The following RBFOX1 variants were observed in gnomAD, a reference collection of about 807,000 sequenced individuals.
RBFOX1 encodes the protein RNA binding protein fox-1 homolog 1.
RBFOX1 carries 8 observed loss-of-function variants against 57.7 expected under a neutral mutation model. The ratio of observed to expected loss-of-function variants is 0.14; its 90% CI spans 0.08 to 0.25. RBFOX1 has a LOEUF of 0.25. Ranked by LOEUF, RBFOX1 falls within the 10% of genes least tolerant of loss-of-function variation. RBFOX1 has a pLI of 1.00. For synonymous variants in RBFOX1, 326 were observed against 222.4 expected (o/e 1.47, Z -4.15); for missense variants, 611 against 548.5 (o/e 1.11, Z -1.14).
In RBFOX1 at chr16:7,012,465, C is replaced by T. The variant is rs148244429; in HGVS notation, c.-15-39592C>T. 5.1e-3 allele frequency among the ~76,000 whole-genome samples: 771 copies of T among 152,246 alleles called. 10 individuals are homozygous for T. The highest frequency in any genetic ancestry group is 6.4e-3 in the Non-Finnish European group (437 of 68,028). On this transcript the variant is annotated intron_variant, in intron 3 of 15. Coordinates refer to ENST00000550418, the MANE Select transcript of RBFOX1 (RefSeq NM_018723.4). ...TTCAATCATAGATGACATGGAAAGT[C>T]GCATCTGTCTCATTTCCCAAGCCAT...
chr16:7,438,771 G>A (rs533045188), intron 4 of RBFOX1, among the ~76,000 whole-genome samples: 58 of 152,250 alleles, frequency 3.8e-4, no homozygotes, highest in Non-Finnish European at 6.6e-4. Flanking sequence ...CACAGTGAGC[G>A]CCTGTCAATA....
chr16:7,315,946 G>A (rs1386428764), intron 4 of RBFOX1, among the ~76,000 whole-genome samples: 1 of 152,114 alleles, frequency 6.6e-6, no homozygotes, highest in African/African-American at 2.4e-5. Flanking sequence ...GAAGAAACAA[G>A]CTGAACCCAT....
chr16:7,013,169 C>G (rs915333720), intron 3 of RBFOX1, among the ~76,000 whole-genome samples: 8 of 152,280 alleles, frequency 5.3e-5, no homozygotes, highest in East Asian at 1.9e-4. Context: ...GTGTAATGCT[C>G]TGATACTCAT....
At chr16:6,730,476 A>T (rs2068280437) in intron 3 of RBFOX1, among the ~76,000 whole-genome samples, 1 of 152,026 alleles carries the variant, frequency 6.6e-6, no homozygotes. Context: ...CATCTATCTA[A>T]TTACCTAACT....
intron 4 of RBFOX1, among the ~76,000 whole-genome samples, chr16:7,232,846 C>T (rs1306297861): frequency 9.3e-6 from 1 of 107,668 alleles, no homozygotes; most frequent in East Asian, 3.8e-4. Flanking sequence ...GAAACTTCAT[C>T]TCTTAATTAA....
At chr16:7,261,656 T>C (rs1298608611) in intron 4 of RBFOX1, among the ~76,000 whole-genome samples, 4 of 152,206 alleles carry the variant, frequency 2.6e-5, no homozygotes, top group African/African-American at 9.7e-5. Context: ...CACTCACCTC[T>C]TTATGTGTCT....
At chr16:6,923,413 A>G (rs2074918830) in intron 3 of RBFOX1, among the ~76,000 whole-genome samples, 1 of 152,138 alleles carries the variant, frequency 6.6e-6, no homozygotes, top group South Asian at 2.1e-4. Flanking sequence ...AACACTTGTA[A>G]TTCCAGCTAC....
chr16:6,877,093 C>A (rs890602055), intron 3 of RBFOX1, among the ~76,000 whole-genome samples: 5 of 152,148 alleles, frequency 3.3e-5, no homozygotes, highest in Non-Finnish European at 4.4e-5. Context: ...TGGTGCTTAA[C>A]AAGCATAGGC....
At chr16:5,424,974 CTTTCTTTTCTTTTCTTTTCT>C (rs372212119) in intron 1 of RBFOX1, among the ~76,000 whole-genome samples, 2,122 of 70,654 alleles carry the variant, frequency 0.03, 164 homozygotes, top group Non-Finnish European at 0.041. Context: ...CTCTTTCTTT[CTTTCTTTTCTTTTCTTTTCT>C]TTTCTTTTCT....
intron 1 of RBFOX1, among the ~76,000 whole-genome samples, chr16:6,190,456 T>C (rs1035209309): frequency 6.6e-5 from 10 of 152,202 alleles, no homozygotes; most frequent in African/African-American, 2.4e-4. Flanking sequence ...TGGAATGGAA[T>C]GAACTACTTA....
At chr16:5,877,376 G>T (rs1314608280) in intron 4 of RBFOX1, among the ~76,000 whole-genome samples, 1 of 152,172 alleles carries the variant, frequency 6.6e-6, no homozygotes, top group Non-Finnish European at 1.5e-5. Flanking sequence ...ACTGATGGAT[G>T]AACAGACGCT....
chr16:7,610,768 C>T (rs1054127863), intron 10 of RBFOX1, among the ~76,000 whole-genome samples: 3 of 152,214 alleles, frequency 2.0e-5, no homozygotes, highest in Admixed American at 6.5e-5. Flanking sequence ...TCTGAAGTTT[C>T]AGGCACCTGC....
intron 2 of RBFOX1, among the ~76,000 whole-genome samples, chr16:6,546,393 T>A (rs1446351744): frequency 6.6e-6 from 1 of 152,234 alleles, no homozygotes; most frequent in Non-Finnish European, 1.5e-5. Context: ...CTCACCATTC[T>A]GGGCCAAGGA....
intron 2 of RBFOX1, among the ~76,000 whole-genome samples, chr16:6,318,021 C>T (rs560043292): frequency 2.0e-4 from 30 of 152,244 alleles, no homozygotes; most frequent in African/African-American, 7.2e-4. Context: ...CATGGGACTC[C>T]AGGCCTGCAA....
intron 3 of RBFOX1, among the ~76,000 whole-genome samples, chr16:6,986,022 A>C (rs1260798026): frequency 6.6e-6 from 1 of 151,466 alleles, no homozygotes; most frequent in African/African-American, 2.4e-5. Flanking sequence ...GCAGAAACTC[A>C]CTTTAGAGAA....
At chr16:5,569,176 G>A (rs985490859) in intron 2 of RBFOX1, among the ~76,000 whole-genome samples, 3 of 152,120 alleles carry the variant, frequency 2.0e-5, no homozygotes, top group African/African-American at 7.2e-5. Context: ...GTGTCTTCAC[G>A]TGGGGTGGAC....
intron 4 of RBFOX1, among the ~76,000 whole-genome samples, chr16:7,140,996 G>A (rs376738402): frequency 3.9e-5 from 6 of 152,156 alleles, no homozygotes; most frequent in Admixed American, 2.6e-4. Context: ...ACCCTCGTTG[G>A]AAGTAATAAT....
rs144749762 is a variant in RBFOX1, at chr16:5,663,726, C to T, written c.318+64765C>T. ...TGTAGAGCGCCCTGCTGCCAGTGAG[C>T]GTGGAAGCAACAGGAAAGCTGGAGA... On this transcript the variant is annotated intron_variant, in intron 3 of 19. Coordinates refer to the RBFOX1 transcript ENST00000641259. 7.3e-3 allele frequency among the ~76,000 whole-genome samples: 1,113 copies of T among 152,272 alleles called. 7 individuals carry two copies. Among genetic ancestry groups the T allele is most frequent in the Admixed American group, 0.01 (160 of 15,298 alleles).
chr16:5,535,328 A>G (rs775877539), intron 2 of RBFOX1, among the ~76,000 whole-genome samples: 3 of 152,154 alleles, frequency 2.0e-5, no homozygotes, highest in Non-Finnish European at 4.4e-5. Context: ...GGGTGGGAGT[A>G]TGGTCCATCC....
Sources: gnomAD v4.1 joint callset for allele counts (sites outside exome capture counted in the v4.1 genomes callset) on GRCh38, gnomAD v4.1.1 for gene constraint, MANE v1.5 for transcripts, NCBI Gene and HGNC (gene_info 2026-07-23, HGNC 2026-07-21) for gene names.